The following DPRX variants were observed in gnomAD, a reference collection of about 807,000 sequenced individuals.
DPRX encodes divergent paired-related homeobox.
DPRX carries 11 observed loss-of-function variants against 8.4 expected under a neutral mutation model. The ratio of observed to expected loss-of-function variants is 1.31; its 90% CI spans 0.82 to 2.17. The LOEUF is 2.17. Among genes scored for constraint, DPRX ranks in the 30% most tolerant of loss-of-function variants. The pLI is 0.00. For missense variants in DPRX, 211 were observed against 236.7 expected, an observed-to-expected ratio of 0.89 and a Z score of 0.71; for synonymous variants, 72 against 87.0, an observed-to-expected ratio of 0.83 and a Z score of 0.96.
chr19:53,624,756 C>A, the DPRX span, among the ~76,000 whole-genome samples: 2 of 147,930 alleles, frequency 1.4e-5, no homozygotes, highest in East Asian at 4.0e-4. Flanking sequence ...GCACGAGAAT[C>A]GCTTGAACCC....
Position 53,636,466 on chromosome 19 carries a change from G to T in DPRX, c.184-130G>T, listed in dbSNP as rs189461066. On this transcript the variant is annotated intron_variant, in intron 2 of 2. Transcript: ENST00000376650. Reference sequence around the variant, plus strand: ...AAAAAAGAAAAGTTAAAAACTTAAAGGTTAAAAAAAAGAATATAAATAAAT... The same window carrying T: ...AAAAAAGAAAAGTTAAAAACTTAAATGTTAAAAAAAAGAATATAAATAAAT... 1.4e-3 allele frequency: 1,053 copies of T among 772,272 alleles called. 1 individual carries two copies. The highest frequency in any genetic ancestry group is 1.8e-3 in the South Asian group (27 of 15,110). 47.8% of individuals were successfully genotyped at this position (772,272 alleles called of 1,614,324 possible). A position where few individuals can be genotyped will look rare whatever the true frequency, so the allele number is the denominator to read the frequency against.
chr19:53,608,985 GAAAGAA>G, the DPRX span, among the ~76,000 whole-genome samples: 1 of 128,104 alleles, frequency 7.8e-6, no homozygotes, highest in East Asian at 2.4e-4. Context: ...GGAAAGAAAA[GAAAGAA>G]AGAGAAAGAA....
the DPRX span, among the ~76,000 whole-genome samples, chr19:53,617,671 G>A: frequency 6.6e-6 from 1 of 151,998 alleles, no homozygotes; most frequent in East Asian, 1.9e-4. Context: ...AGAAAAGAAG[G>A]AAGAGCAGCA....
At chr19:53,613,151 C>T in the DPRX span, among the ~76,000 whole-genome samples, 4 of 152,160 alleles carry the variant, frequency 2.6e-5, no homozygotes, top group South Asian at 2.1e-4. Context: ...AAGAAACTTC[C>T]GCTTCTGAAG....
chr19:53,636,554 C>A, intron 2 of DPRX, 42 bp from the exon 3 acceptor site: 2 of 1,383,748 alleles, frequency 1.4e-6, no homozygotes, highest in South Asian at 2.2e-5. Flanking sequence ...AATGACAAGT[C>A]ATCTGAATTC....
chr19:53,607,677 C>T, the DPRX span, among the ~76,000 whole-genome samples: 1 of 144,256 alleles, frequency 6.9e-6, no homozygotes, highest in East Asian at 2.0e-4. Flanking sequence ...CATGGTGAAA[C>T]CCCGTCTCTA....
chr19:53,608,811 C>T, the DPRX span, among the ~76,000 whole-genome samples: 9 of 151,562 alleles, frequency 5.9e-5, no homozygotes, highest in African/African-American at 9.7e-5. Flanking sequence ...AAAAATTAGC[C>T]GGGCATGGTG....
chr19:53,608,953 C>CAAAAAAAAAAAAAAAAAA, the DPRX span, among the ~76,000 whole-genome samples: 1 of 76,930 alleles, frequency 1.3e-5, no homozygotes, highest in African/African-American at 5.6e-5. Context: ...GAGACTCCGT[C>CAAAAAAAAAAAAAAAAAA]AAAAAAAAAA....
At chr19:53,620,027 A>G in the DPRX span, among the ~76,000 whole-genome samples, 116 of 152,156 alleles carry the variant, frequency 7.6e-4, no homozygotes, top group African/African-American at 2.6e-3. Context: ...TTCATCCCAC[A>G]TTGGGTGAGG....
At chr19:53,608,414 C>G in the DPRX span, 1 of 152,458 alleles carries the variant, frequency 6.6e-6, no homozygotes, top group Admixed American at 6.6e-5. Flanking sequence ...TTTGGAACCC[C>G]AGGCTGACTC....
chr19:53,619,654 G>A, the DPRX span, among the ~76,000 whole-genome samples: 2 of 147,130 alleles, frequency 1.4e-5, no homozygotes, highest in African/African-American at 5.1e-5. Flanking sequence ...CAGCCTGGGC[G>A]ACAAGAGTGA....
At chr19:53,621,916 T>C in the DPRX span, among the ~76,000 whole-genome samples, 1 of 152,188 alleles carries the variant, frequency 6.6e-6, no homozygotes. Flanking sequence ...ACAATCCTCA[T>C]TGTTATGTGG....
chr19:53,632,681 T>C (rs2091097724), intron 1 of DPRX, among the ~76,000 whole-genome samples: 1 of 152,096 alleles, frequency 6.6e-6, no homozygotes, highest in Admixed American at 6.6e-5. Context: ...TGACCTCATG[T>C]GATTGGCTGG....
At chr19:53,610,411 C>T in the DPRX span, among the ~76,000 whole-genome samples, 3 of 152,232 alleles carry the variant, frequency 2.0e-5, no homozygotes, top group South Asian at 4.1e-4. Flanking sequence ...ATTACCTACT[C>T]CATTCATGTA....
chr19:53,632,171 G>A (rs1204301278), intron 1 of DPRX, 37 bp downstream of exon 1: 7 of 1,613,954 alleles, frequency 4.3e-6, no homozygotes, highest in South Asian at 2.2e-5. Flanking sequence ...GCAAAGACAC[G>A]TGAAGAAGTG....
chr19:53,610,878 T>G, the DPRX span, among the ~76,000 whole-genome samples: 1 of 152,134 alleles, frequency 6.6e-6, no homozygotes, highest in African/African-American at 2.4e-5. Flanking sequence ...GGAGGCCACC[T>G]TCAGACAGAG....
At chr19:53,621,003 A>T in the DPRX span, among the ~76,000 whole-genome samples, 3 of 152,194 alleles carry the variant, frequency 2.0e-5, no homozygotes, top group Non-Finnish European at 4.4e-5. Context: ...GAATCAAGTG[A>T]GTCTCTGCTT....
At chr19:53,632,499 G>A (rs556354738) in intron 1 of DPRX, among the ~76,000 whole-genome samples, 4 of 151,112 alleles carry the variant, frequency 2.6e-5, no homozygotes, top group Non-Finnish European at 5.9e-5. Flanking sequence ...TAGTAGAGCC[G>A]GGGGTTTCAC....
chr19:53,615,879 G>A, the DPRX span, among the ~76,000 whole-genome samples: 3 of 151,916 alleles, frequency 2.0e-5, no homozygotes, highest in East Asian at 3.9e-4. Context: ...AAGGTGGGAG[G>A]ATCACTTGAA....
Sources: allele counts gnomAD v4.1 joint callset (sites outside exome capture counted in the v4.1 genomes callset), GRCh38; gene constraint gnomAD v4.1.1; transcripts MANE v1.5; gene names NCBI Gene and HGNC (gene_info 2026-07-23, HGNC 2026-07-21).